Variants in PLXNB2 observed in about 807,000 individuals in gnomAD.
PLXNB2 encodes the protein plexin-B2.
In PLXNB2, 85 loss-of-function variants were observed where a neutral mutation model predicts 202.6. The ratio of observed to expected loss-of-function variants is 0.42; its 90% CI spans 0.35 to 0.50. The LOEUF (loss-of-function observed/expected upper bound fraction) is 0.50. Ranked by LOEUF, PLXNB2 falls within the 20% of genes least tolerant of loss-of-function variation. PLXNB2 has a pLI of 0.02. For missense variants in PLXNB2, 2,063 were observed against 2,586.2 expected (o/e 0.80, Z 4.39); for synonymous variants, 1,239 against 1,137.6 (o/e 1.09, Z -1.79).
chr22:50,278,423 G>A lies in PLXNB2; in HGVS notation c.4732+12C>T, dbSNP rs1359611948. Reference sequence around the variant, plus strand: ...GGGGCTGGAAGGAAACGGGCAACAGGGAGGGACTCACGCTCCCCAGGCAGG... The same window carrying A: ...GGGGCTGGAAGGAAACGGGCAACAGAGAGGGACTCACGCTCCCCAGGCAGG... On this transcript the variant is annotated intron_variant, in intron 30 of 36. Coordinates refer to ENST00000359337, the MANE Select transcript of PLXNB2 (RefSeq NM_012401.4). 1.3e-6 allele frequency: 2 copies of A among 1,560,564 alleles called. No individual in the cohort carries two copies. Among genetic ancestry groups the A allele is most frequent in the African/African-American group, 2.7e-5 (2 of 73,596 alleles).
In PLXNB2 at chr22:50,289,536, T is replaced by C. The variant is rs761396649; in HGVS notation, c.1049A>G (p.Gln350Arg). 1.7e-5 allele frequency: 27 copies of C among 1,610,920 alleles called. No homozygotes were observed. The highest frequency in any genetic ancestry group is 1.6e-4 in the Middle Eastern group (1 of 6,080). ...IFYKPFHGDI[Q>R]CGGHAPGSSK... is the part of the protein sequence containing the mutation. ...CCATACCGGCGCGTGGCCGCCGCAC[T>C]GGATATCGCCGTGGAAGGGCTTGTA... The change falls in exon 3 of 37, where the codon CAG becomes CGG. Residue 350 changes from glutamine to arginine, a missense_variant. This residue lies in a region of PLXNB2 where 1,303 missense variants were observed against 1,476.8 expected (regional missense o/e 0.88). Coordinates refer to ENST00000359337, the MANE Select transcript of PLXNB2 (RefSeq NM_012401.4). This position sits in a 1 kb window ranked among gnomAD's most constrained non-coding sequence, Gnocchi z 8.0.
chr22:50,288,670 G>C lies in PLXNB2; in HGVS notation c.1380+73C>G. On this transcript the variant is annotated intron_variant, in intron 5 of 36. Coordinates refer to ENST00000359337, the MANE Select transcript of PLXNB2 (RefSeq NM_012401.4). The surrounding 1 kb of genome is among the most constrained non-coding windows in gnomAD (Gnocchi z 5.0). ...CCATCCTCCTCTGGCCCCCAGGCCT[G>C]TCCTAAGGGCCTGGGATGCAATGAC... 16 of 1,582,858 alleles carry C rather than the reference G, an allele frequency of 1.0e-5. No individual in the cohort carries two copies. Among genetic ancestry groups the C allele is most frequent in the Non-Finnish European group, 1.4e-5 (16 of 1,163,226 alleles).
At position 50,286,211 on chromosome 22, in the gene PLXNB2, G is replaced by A. The variant is rs373868913; in HGVS notation, c.1839C>T (p.Tyr613=). 77 of 1,613,050 alleles carry A rather than the reference G, an allele frequency of 4.8e-5. No homozygotes were observed. The highest frequency in any genetic ancestry group is 1.6e-4 in the Middle Eastern group (1 of 6,084). ...CCAGGCTCATGGCCTGGCGGCAGTC[G>A]TAGAAGGGGTACTGGTAGGACGTGA... ...IFLTSYQYPF[Y]DCRQAMSLEE... is the part of the protein sequence containing the mutation. Residue 613 remains tyrosine (Y), a synonymous_variant, in exon 9 of 37, where the codon TAC becomes TAT. Coordinates refer to ENST00000359337, the MANE Select transcript of PLXNB2 (RefSeq NM_012401.4).
intron 1 of PLXNB2, among the ~76,000 whole-genome samples, chr22:50,302,894 C>T (rs1038629010): frequency 6.6e-6 from 1 of 152,150 alleles, no homozygotes; most frequent in Admixed American, 6.5e-5. Flanking sequence ...TCTGTGCCCT[C>T]CATCTCCTCC....
intron 1 of PLXNB2, among the ~76,000 whole-genome samples, chr22:50,298,364 CTTTTG>C (rs926697701): frequency 6.6e-6 from 1 of 152,096 alleles, no homozygotes; most frequent in Non-Finnish European, 1.5e-5. Flanking sequence ...CCTGAGGTCC[CTTTTG>C]TTTTTTTTTT....
In PLXNB2 at chr22:50,281,999, T is replaced by C; in HGVS notation, c.3200A>G (p.Tyr1067Cys). Residue 1067 changes from tyrosine to cysteine, a missense_variant, in exon 20 of 37, where the codon TAC becomes TGC. By Grantham distance (194) the Tyr-to-Cys change is radical. This residue lies in a region of PLXNB2 where 760 missense variants were observed against 1,109.4 expected (regional missense o/e 0.69). Coordinates refer to ENST00000359337, the MANE Select transcript of PLXNB2 (RefSeq NM_012401.4). ...SPAVPEEPEA[Y>C]NLTVLIEMDG... ...CATCTCGATCAGCACCGTGAGGTTG[T>C]AGGCCTCTGGCTCCTCAGGCACAGC... is the stretch of plus-strand genomic sequence containing the variant. 1.2e-6 allele frequency: 2 copies of C among 1,613,064 alleles called. No individual in the cohort carries two copies. Among genetic ancestry groups the C allele is most frequent in the Non-Finnish European group, 8.5e-7 (1 of 1,179,962 alleles).
rs754928960 is a variant in PLXNB2 at position 50,288,438 on chromosome 22, C to T, written c.1380+305G>A. Among the ~76,000 whole-genome samples the T allele has an allele frequency of 2.6e-5, 4 of 152,128 alleles. No individual in the cohort carries two copies. Among genetic ancestry groups the T allele is most frequent in the South Asian group, 4.1e-4 (2 of 4,824 alleles). ...GTCTTCCCATCCACCCTCAGCAACA[C>T]GCCTCAGACACCAACCCAGGTCCCT... On this transcript the variant is annotated intron_variant, in intron 5 of 36. Transcript: ENST00000359337. This position sits in a 1 kb window ranked among gnomAD's most constrained non-coding sequence, Gnocchi z 5.0.
At chr22:50,301,912 CAT>C (rs1415133692) in intron 1 of PLXNB2, among the ~76,000 whole-genome samples, 39 of 152,274 alleles carry the variant, frequency 2.6e-4, no homozygotes, top group South Asian at 6.2e-4. Context: ...CATGACCACA[CAT>C]GTGCAGACAC....
chr22:50,285,931 C>G, intron 10 of PLXNB2, 30 bp from the exon 11 acceptor site: 2 of 1,607,612 alleles, frequency 1.2e-6, no homozygotes, highest in Non-Finnish European at 1.7e-6. Context: ...CAGGTGCTGC[C>G]TGGGCACAGC....
chr22:50,277,110 C>A (rs2065657376), intron 33 of PLXNB2, among the ~76,000 whole-genome samples: 1 of 152,148 alleles, frequency 6.6e-6, no homozygotes, highest in Non-Finnish European at 1.5e-5. Context: ...GGTTCGAGAC[C>A]AGCCTGCCCA....
chr22:50,305,414 T>C (rs2067849635), intron 1 of PLXNB2, among the ~76,000 whole-genome samples: 1 of 152,200 alleles, frequency 6.6e-6, no homozygotes, highest in Non-Finnish European at 1.5e-5. Context: ...ACACACAGCA[T>C]GGACCCAGAG....
intron 24 of PLXNB2, 22 bp downstream of exon 24, chr22:50,280,722 G>T: frequency 1.5e-6 from 1 of 687,826 alleles, no homozygotes; most frequent in Non-Finnish European, 2.4e-6. Flanking sequence ...GTGCCCTCCC[G>T]CCCGCCCGAC....
chr22:50,307,536 T>A lies in PLXNB2; in HGVS notation c.-74+17A>T. The A allele has an allele frequency of 1.0e-6, 1 of 977,764 alleles. No individual in the cohort carries two copies. Among genetic ancestry groups the A allele is most frequent in the Non-Finnish European group, 1.2e-6 (1 of 825,842 alleles). 60.6% of individuals were successfully genotyped at this position (977,764 alleles called of 1,614,324 possible). A position where few individuals can be genotyped will look rare whatever the true frequency, so the allele number is the denominator to read the frequency against. ...CAGCGAGACGTCCCCCGCAGCCCAG[T>A]CCCCCGAGCTCGGTACCTGCACGTC... is the stretch of plus-strand genomic sequence containing the variant. On this transcript the variant is annotated intron_variant, in intron 1 of 36. Transcript: ENST00000359337.
At position 50,275,444 on chromosome 22, in the gene PLXNB2, C is replaced by G; in HGVS notation, c.*260G>C. 1.6e-6 allele frequency: 1 copy of G among 608,922 alleles called. No individual in the cohort carries two copies. The highest frequency in any genetic ancestry group is 1.5e-5 in the South Asian group (1 of 65,864). The allele number at this position is 608,922 out of a possible 1,614,324, so 37.7% of individuals were successfully genotyped here. A position where few individuals can be genotyped will look rare whatever the true frequency, so the allele number is the denominator to read the frequency against. ...GCACATTTTCAAATCACTGGAGACT[C>G]GACAGTGAACACCCGATGCTGGTTC... is the stretch of plus-strand genomic sequence containing the variant. On this transcript the variant is annotated 3_prime_UTR_variant, in exon 37 of 37. Coordinates refer to ENST00000359337, the MANE Select transcript of PLXNB2 (RefSeq NM_012401.4).
Position 50,281,075 on chromosome 22 carries a change from C to A in PLXNB2, c.3763+14G>T, listed in dbSNP as rs763057023. On this transcript the variant is annotated intron_variant, in intron 23 of 36. Coordinates refer to ENST00000359337, the MANE Select transcript of PLXNB2 (RefSeq NM_012401.4). ...CAGGAGGCGCCCCAGCACCAGCCCC[C>A]AAGCGGTCCCTACCTGTGAATTCCT... The A allele has an allele frequency of 6.2e-7, 1 of 1,610,740 alleles. No homozygotes were observed. Among genetic ancestry groups the A allele is most frequent in the Non-Finnish European group, 8.5e-7 (1 of 1,177,850 alleles).
In PLXNB2 at chr22:50,297,629, T is replaced by C. The variant is rs2067372379; in HGVS notation, c.-73-2851A>G. Among the ~76,000 whole-genome samples the C allele has an allele frequency of 6.6e-6, 1 of 152,142 alleles. No individual in the cohort carries two copies. Among genetic ancestry groups the C allele is most frequent in the African/African-American group, 2.4e-5 (1 of 41,436 alleles). On this transcript the variant is annotated intron_variant, in intron 1 of 36. Transcript: ENST00000359337. The surrounding 1 kb of genome is among the most constrained non-coding windows in gnomAD (Gnocchi z 5.3). Reference sequence around the variant, plus strand: ...CAGGCTCCATCTCCTGCTCACAAGATTCCCGCTTAGCTACCCCAGAAAAAG... The same window carrying C: ...CAGGCTCCATCTCCTGCTCACAAGACTCCCGCTTAGCTACCCCAGAAAAAG...
chr22:50,300,307 G>A, intron 1 of PLXNB2: 2 of 985,346 alleles, frequency 2.0e-6, no homozygotes, highest in Non-Finnish European at 2.4e-6. Context: ...TCGCACAGCC[G>A]GCCATTACCT....
Position 50,289,526 on chromosome 22 carries a change from G to A in PLXNB2, c.1059C>T (p.Gly353=). Residue 353 remains glycine (G), a synonymous_variant, in exon 3 of 37, where the codon GGC becomes GGT. Transcript: ENST00000359337. The surrounding 1 kb of genome is among the most constrained non-coding windows in gnomAD (Gnocchi z 8.0). ...ACACTGAGGCCCATACCGGCGCGTG[G>A]CCGCCGCACTGGATATCGCCGTGGA... The part of the protein sequence containing the change: ...KPFHGDIQCG[G]HAPGSSKSFP... The A allele has an allele frequency of 4.4e-6, 7 of 1,609,010 alleles. No homozygotes were observed. Among genetic ancestry groups the A allele is most frequent in the Non-Finnish European group, 5.9e-6 (7 of 1,177,884 alleles).
Position 50,278,437 on chromosome 22 carries a change from T to C in PLXNB2, c.4730A>G (p.Glu1577Gly). The C allele has an allele frequency of 6.4e-7, 1 of 1,559,166 alleles. No individual in the cohort carries two copies. Residue 1577 changes from glutamate (E) to glycine (G), a missense_variant and splice_region_variant, in exon 30 of 37, where the codon GAG (glutamate) becomes GGG (glycine). Glu to Gly is a moderately conservative substitution (Grantham distance 98, BLOSUM62 -2). This residue lies in a region of PLXNB2 where 760 missense variants were observed against 1,109.4 expected (regional missense o/e 0.69). Transcript: ENST00000359337. ...PEDSQQDLPG[E>G]RHALLEEENR... is the part of the protein sequence containing the mutation. ...ACGGGCAACAGGGAGGGACTCACGCTCCCCAGGCAGGTCCTGCTGGCTGTC... is the reference window on the plus strand; with the variant it reads ...ACGGGCAACAGGGAGGGACTCACGCCCCCCAGGCAGGTCCTGCTGGCTGTC...
Sources: gnomAD v4.1 joint callset for allele counts (sites outside exome capture counted in the v4.1 genomes callset) on GRCh38, gnomAD v4.1.1 for gene constraint, gnomAD v4.1.1 regional missense constraint, Gnocchi (gnomAD v3.1) non-coding constraint, MANE v1.5 for transcripts, NCBI Gene and HGNC (gene_info 2026-07-23, HGNC 2026-07-21) for gene names.